ATF7IP: variants seen among roughly 807,000 people sequenced by gnomAD.
The protein encoded by ATF7IP is activating transcription factor 7 interacting protein, also known as activating transcription factor 7-interacting protein 1.
ATF7IP carries 23 observed loss-of-function variants against 106.4 expected under a neutral mutation model. That is an observed-to-expected ratio of 0.22 (90% CI 0.16 to 0.31). The LOEUF is 0.31. Among genes scored for constraint, ATF7IP ranks in the 10% least tolerant of loss-of-function variants. ATF7IP has a pLI of 1.00. For missense variants in ATF7IP, 1,334 were observed against 1,524.3 expected, an observed-to-expected ratio of 0.88 and a Z score of 2.08; for synonymous variants, 542 against 539.0, an observed-to-expected ratio of 1.01 and a Z score of -0.08.
chr12:14,424,519 G>T lies in ATF7IP; in HGVS notation c.604G>T (p.Gly202Cys), dbSNP rs201516379. ...TGCCACTGCTGATGATCTCTCCTCTGGTGATCCCACCTCTAGTGATCCCAT... is the reference window on the plus strand; with the variant it reads ...TGCCACTGCTGATGATCTCTCCTCTTGTGATCCCACCTCTAGTGATCCCAT... ...GDATADDLSS[G>C]DPTSSDPIPG... The change falls in exon 2 of 15, where the codon GGT (glycine) becomes TGT (cysteine). Residue 202 changes from glycine (G) to cysteine (C), a missense_variant. Transcript: ENST00000261168. 7.1e-5 allele frequency: 115 copies of T among 1,614,132 alleles called. No individual in the cohort carries two copies. Among genetic ancestry groups the T allele is most frequent in the Admixed American group, 4.7e-4 (28 of 60,022 alleles).
intron 1 of ATF7IP, among the ~76,000 whole-genome samples, chr12:14,383,195 C>T (rs982044087): frequency 2.6e-5 from 4 of 152,040 alleles, no homozygotes; most frequent in African/African-American, 7.2e-5. Flanking sequence ...TCTGGATTTT[C>T]GGATTAGGGA....
At chr12:14,436,053 T>C in intron 3 of ATF7IP, 53 bp from the exon 4 acceptor site, 1 of 1,572,830 alleles carries the variant, frequency 6.4e-7, no homozygotes. Flanking sequence ...TAATATGCAT[T>C]AAGAGCTATA....
chr12:14,460,946 T>C lies in ATF7IP; in HGVS notation c.2610T>C (p.Leu870=). 6.2e-7 allele frequency: 1 copy of C among 1,614,158 alleles called. No individual in the cohort carries two copies. The highest frequency in any genetic ancestry group is 8.5e-7 in the Non-Finnish European group (1 of 1,180,014). ...TASAAPLGTT[L]AVQAVPTAHS... ...GTGCTGCACCATTGGGAACAACACT[T>C]GCTGTGCAGGCTGTTCCAACAGCAC... Residue 870 remains leucine (L), a synonymous_variant, in exon 9 of 15, where the codon CTT becomes CTC. Coordinates refer to ENST00000261168, the MANE Select transcript of ATF7IP (RefSeq NM_018179.5).
intron 8 of ATF7IP, among the ~76,000 whole-genome samples, chr12:14,459,190 G>A (rs1943548036): frequency 1.3e-5 from 2 of 152,142 alleles, no homozygotes; most frequent in African/African-American, 4.8e-5. Flanking sequence ...ACCCAAACGT[G>A]AATTATCAGT....
At chr12:14,453,491 T>A (rs1378988844) in intron 6 of ATF7IP, among the ~76,000 whole-genome samples, 1 of 152,158 alleles carries the variant, frequency 6.6e-6, no homozygotes, top group Non-Finnish European at 1.5e-5. Flanking sequence ...TTCATTTCAG[T>A]GTATTCTTCA....
chr12:14,485,521 T>C (rs1435090115), intron 13 of ATF7IP, among the ~76,000 whole-genome samples: 1 of 152,162 alleles, frequency 6.6e-6, no homozygotes, highest in Non-Finnish European at 1.5e-5. Context: ...CCAATCAGAA[T>C]AGTGTCATCA....
rs534720943 is a variant in ATF7IP at position 14,408,066 on chromosome 12, T to C, written c.-7-15843T>C. ...TATTAGGACTGTGATTCAAGTGTTT[T>C]ATGATTCTCCTGTAAATAGAAAAAC... On this transcript the variant is annotated intron_variant, in intron 1 of 14. Coordinates refer to ENST00000261168, the MANE Select transcript of ATF7IP (RefSeq NM_018179.5). 2.0e-5 allele frequency among the ~76,000 whole-genome samples: 3 copies of C among 152,170 alleles called. No homozygotes were observed. The East Asian group carries it at 5.8e-4, about 29-fold the overall frequency.
At chr12:14,474,593 G>A (rs1327075609) in intron 10 of ATF7IP, among the ~76,000 whole-genome samples, 1 of 151,854 alleles carries the variant, frequency 6.6e-6, no homozygotes, top group Admixed American at 6.6e-5. Context: ...TAGAGATGGG[G>A]TTTCACTATA....
At chr12:14,416,638 C>G (rs1201831509) in intron 1 of ATF7IP, among the ~76,000 whole-genome samples, 1 of 152,058 alleles carries the variant, frequency 6.6e-6, no homozygotes, top group Non-Finnish European at 1.5e-5. Flanking sequence ...TCAAAGAAAC[C>G]CTACCATGAC....
In ATF7IP at chr12:14,478,521, A is replaced by G. The variant is rs749751817; in HGVS notation, c.3097+49A>G. On this transcript the variant is annotated intron_variant, in intron 12 of 14. Coordinates refer to ENST00000261168, the MANE Select transcript of ATF7IP (RefSeq NM_018179.5). ...AGAAGCTTTGGTTTTGCCTGTAGAG[A>G]ACTATGACTATGGAGTTAAGTGGAA... is the stretch of plus-strand genomic sequence containing the variant. The G allele has an allele frequency of 2.5e-6, 4 of 1,594,304 alleles. No homozygotes were observed. In the Admixed American group the frequency reaches 5.1e-5, roughly 20 times the overall value.
chr12:14,462,749 A>G (rs961310440), intron 9 of ATF7IP, among the ~76,000 whole-genome samples: 3 of 152,004 alleles, frequency 2.0e-5, no homozygotes, highest in Non-Finnish European at 4.4e-5. Context: ...ACTTTTTTAT[A>G]TAAAAGTAAG....
chr12:14,428,757 G>A (rs1278139257), intron 2 of ATF7IP, among the ~76,000 whole-genome samples: 1 of 152,094 alleles, frequency 6.6e-6, no homozygotes, highest in Non-Finnish European at 1.5e-5. Context: ...TTTAAATAAA[G>A]CAATTGTGAT....
intron 4 of ATF7IP, 71 bp downstream of exon 4, chr12:14,436,322 CATT>C (rs1942400010): frequency 7.2e-7 from 1 of 1,392,240 alleles, no homozygotes; most frequent in Non-Finnish European, 9.8e-7. Flanking sequence ...AGGTTTCTGA[CATT>C]ATTCTGTATT....
intron 1 of ATF7IP, among the ~76,000 whole-genome samples, chr12:14,377,304 T>C (rs1023729077): frequency 6.6e-5 from 10 of 151,972 alleles, no homozygotes; most frequent in Non-Finnish European, 2.9e-5. Context: ...CCGAAATTCA[T>C]TTTTAAATTT....
Position 14,365,687 on chromosome 12 carries a change from T to TGCGGAGGCGGCGGCGGTGGCA in ATF7IP, c.-143_-123dup. ...GGAGAAGCGGGTTTGTTTTTGAATCTGCGGAGGCGGCGGCGGTGGCAGCGG... is the reference window on the plus strand; with the variant it reads ...GGAGAAGCGGGTTTGTTTTTGAATCTGCGGAGGCGGCGGCGGTGGCAGCGGAGGCGGCGGCGGTGGCAGCGG... On this transcript the variant is annotated 5_prime_UTR_variant, in exon 1 of 15. Transcript: ENST00000261168. 6.4e-6 allele frequency: 1 copy of TGCGGAGGCGGCGGCGGTGGCA among 157,122 alleles called. No homozygotes were observed. The highest frequency in any genetic ancestry group is 1.6e-4 in the South Asian group (1 of 6,208). The allele number at this position is 157,122 out of a possible 1,614,324, so 9.7% of individuals were successfully genotyped here.
rs1242740496 is a variant in ATF7IP, at chr12:14,461,041, C to A, written c.2705C>A (p.Thr902Asn). The change falls in exon 9 of 15, where the codon ACT becomes AAT. Residue 902 changes from threonine to asparagine, a missense_variant. Physicochemically the swap from Thr to Asn is moderately conservative, Grantham distance 65 (BLOSUM62 0). Coordinates refer to ENST00000261168, the MANE Select transcript of ATF7IP (RefSeq NM_018179.5). ...VGPSGLYSPS[T>N]NRGPIQMKIP... is the part of the protein sequence containing the mutation. Reference sequence around the variant, plus strand: ...CCATCAGGACTCTATAGTCCATCAACTAATCGAGGTCCTATACAGATGAAA... The same window carrying A: ...CCATCAGGACTCTATAGTCCATCAAATAATCGAGGTCCTATACAGATGAAA... The A allele has an allele frequency of 5.0e-6, 8 of 1,613,986 alleles. No individual in the cohort carries two copies. The highest frequency in any genetic ancestry group is 6.8e-6 in the Non-Finnish European group (8 of 1,180,010).
At chr12:14,386,300 C>G (rs558160724) in intron 1 of ATF7IP, among the ~76,000 whole-genome samples, 1 of 152,094 alleles carries the variant, frequency 6.6e-6, no homozygotes, top group African/African-American at 2.4e-5. Flanking sequence ...TGTGGTTACC[C>G]AGAAAGATGG....
At chr12:14,483,639 C>G (rs935485603) in intron 13 of ATF7IP, among the ~76,000 whole-genome samples, 3 of 152,086 alleles carry the variant, frequency 2.0e-5, no homozygotes, top group East Asian at 3.9e-4. Flanking sequence ...ACTTCCACCC[C>G]CTGATTCCTG....
At chr12:14,466,707 C>T in intron 10 of ATF7IP, 117 bp downstream of exon 10, 1 of 771,372 alleles carries the variant, frequency 1.3e-6, no homozygotes. Context: ...TATAACTATC[C>T]AAACATTGTC....
Sources: allele counts gnomAD v4.1 joint callset (sites outside exome capture counted in the v4.1 genomes callset), GRCh38; gene constraint gnomAD v4.1.1; transcripts MANE v1.5; gene names NCBI Gene and HGNC (gene_info 2026-07-23, HGNC 2026-07-21).